The following RANBP17 variants were observed in gnomAD, a reference collection of about 807,000 sequenced individuals.
RANBP17 encodes RAN binding protein 17, also known as ran-binding protein 17.
RANBP17 carries 158 observed loss-of-function variants against 141.2 expected under a neutral mutation model. That is an observed-to-expected ratio of 1.12 (90% CI 0.98 to 1.28). The LOEUF is 1.28. Among genes scored for constraint, RANBP17 ranks in the 50% most tolerant of loss-of-function variants. RANBP17 has a pLI of 0.00. For missense variants in RANBP17, 1,438 were observed against 1,290.7 expected, an observed-to-expected ratio of 1.11 and a Z score of -1.75; for synonymous variants, 430 against 450.0, an observed-to-expected ratio of 0.96 and a Z score of 0.56.
At chr5:171,006,859 T>A (rs553885294) in intron 14 of RANBP17, among the ~76,000 whole-genome samples, 1 of 152,080 alleles carries the variant, frequency 6.6e-6, no homozygotes, top group East Asian at 1.9e-4. Context: ...CGTCTTTACG[T>A]TGGGTATTTT....
intron 20 of RANBP17, among the ~76,000 whole-genome samples, chr5:171,211,276 T>A (rs1037468795): frequency 2.0e-5 from 3 of 152,116 alleles, no homozygotes; most frequent in African/African-American, 7.2e-5. Context: ...GTACTTTTTT[T>A]TTTGAGACAG....
intron 14 of RANBP17, among the ~76,000 whole-genome samples, chr5:171,159,917 C>CAAAAAAAAAAAAA (rs1175963382): frequency 2.4e-5 from 1 of 41,494 alleles, no homozygotes; most frequent in Non-Finnish European, 5.3e-5. Flanking sequence ...GACTCCATCT[C>CAAAAAAAAAAAAA]AAAAAAAAAA....
At chr5:171,217,754 C>T (rs956941537) in intron 21 of RANBP17, among the ~76,000 whole-genome samples, 4 of 152,020 alleles carry the variant, frequency 2.6e-5, no homozygotes, top group Non-Finnish European at 4.4e-5. Flanking sequence ...GTGATATCCC[C>T]TTTATCATTT....
At position 171,279,879 on chromosome 5, in the gene RANBP17, TCA is replaced by T. The variant is rs201640580; in HGVS notation, c.2944-13999_2944-13998del. Among the ~76,000 whole-genome samples the T allele has an allele frequency of 2.6e-5, 4 of 152,192 alleles. No individual in the cohort carries two copies. The East Asian group carries it at 7.7e-4, about 29-fold the overall frequency. ...AATTAAGGCTTCTTATCACTAGATC[TCA>T]CACAGTTTTTATAATACCACACTAA... On this transcript the variant is annotated intron_variant, in intron 25 of 27. Coordinates refer to ENST00000523189, the MANE Select transcript of RANBP17 (RefSeq NM_022897.5).
At chr5:170,950,531 T>A (rs187833625) in intron 12 of RANBP17, among the ~76,000 whole-genome samples, 2 of 152,108 alleles carry the variant, frequency 1.3e-5, no homozygotes, top group African/African-American at 4.8e-5. Flanking sequence ...AAAACCGCAG[T>A]GAGATGCCAT....
intron 18 of RANBP17, among the ~76,000 whole-genome samples, chr5:171,193,821 A>G (rs376584098): frequency 6.6e-6 from 1 of 152,190 alleles, no homozygotes; most frequent in Non-Finnish European, 1.5e-5. Context: ...ATAATCCAGA[A>G]TACTTTTCTG....
chr5:171,154,940 G>C (rs1236276730), intron 14 of RANBP17, among the ~76,000 whole-genome samples: 4 of 151,608 alleles, frequency 2.6e-5, no homozygotes, highest in Admixed American at 2.0e-4. Flanking sequence ...AGCCGGGCAT[G>C]GTGGCGGGGC....
At chr5:170,978,909 G>A (rs575713606) in intron 14 of RANBP17, among the ~76,000 whole-genome samples, 1 of 152,198 alleles carries the variant, frequency 6.6e-6, no homozygotes, top group African/African-American at 2.4e-5. Flanking sequence ...TAAAAAAGTG[G>A]AAACTTGCCT....
intron 25 of RANBP17, among the ~76,000 whole-genome samples, chr5:171,278,740 T>C (rs961218982): frequency 6.6e-5 from 10 of 152,154 alleles, no homozygotes; most frequent in African/African-American, 2.4e-4. Context: ...TCCAAGCCCT[T>C]GAGAGACTTA....
At chr5:170,937,728 A>C (rs528919108) in intron 12 of RANBP17, among the ~76,000 whole-genome samples, 2 of 152,292 alleles carry the variant, frequency 1.3e-5, no homozygotes, top group African/African-American at 4.8e-5. Context: ...GTTTTGACTG[A>C]TGACACATGA....
At chr5:171,130,110 A>G (rs1302590230) in intron 14 of RANBP17, among the ~76,000 whole-genome samples, 1 of 152,188 alleles carries the variant, frequency 6.6e-6, no homozygotes, top group Non-Finnish European at 1.5e-5. Context: ...TGGTTACAGC[A>G]TGGAAGAACT....
In RANBP17 at chr5:171,265,910, G is replaced by A. The variant is rs144361605; in HGVS notation, c.2943+63G>A. ...GTTCCCAGAAGCCATACCTGGCCCCGAATTTATCTTAGAGCAGCTGGTCTT... is the reference window on the plus strand; with the variant it reads ...GTTCCCAGAAGCCATACCTGGCCCCAAATTTATCTTAGAGCAGCTGGTCTT... On this transcript the variant is annotated intron_variant, in intron 25 of 27. Coordinates refer to ENST00000523189, the MANE Select transcript of RANBP17 (RefSeq NM_022897.5). 1,489 of 1,475,306 alleles carry A rather than the reference G, an allele frequency of 1.0e-3. 8 individuals are homozygous for A. In the African/African-American group the frequency reaches 0.016, roughly 16 times the overall value. 91.4% of individuals were successfully genotyped at this position (1,475,306 alleles called of 1,614,324 possible).
intron 14 of RANBP17, among the ~76,000 whole-genome samples, chr5:171,068,569 T>TTGTTGTTG (rs1784441591): frequency 6.7e-6 from 1 of 148,926 alleles, no homozygotes; most frequent in African/African-American, 2.5e-5. Flanking sequence ...TTACTTTCCT[T>TTGTTGTTG]TTGTTGTTGT....
intron 14 of RANBP17, among the ~76,000 whole-genome samples, chr5:171,030,603 T>C (rs1781496367): frequency 6.6e-6 from 1 of 152,076 alleles, no homozygotes; most frequent in South Asian, 2.1e-4. Context: ...ATGTGCATTG[T>C]ATGAGTATGT....
At chr5:170,988,373 AT>A (rs35069928) in intron 14 of RANBP17, among the ~76,000 whole-genome samples, 19 of 146,836 alleles carry the variant, frequency 1.3e-4, no homozygotes, top group Admixed American at 2.0e-4. Context: ...TTAGTGTTTG[AT>A]TTTTTTTTTT....
intron 14 of RANBP17, among the ~76,000 whole-genome samples, chr5:170,995,579 A>G (rs1156326137): frequency 6.6e-6 from 1 of 152,130 alleles, no homozygotes; most frequent in Non-Finnish European, 1.5e-5. Flanking sequence ...TCCCAGTGAT[A>G]TTTGATAGAG....
chr5:171,217,523 G>C (rs780833850), intron 21 of RANBP17, among the ~76,000 whole-genome samples: 1 of 151,992 alleles, frequency 6.6e-6, no homozygotes, highest in Non-Finnish European at 1.5e-5. Flanking sequence ...GAATTTGGCT[G>C]TGAATCTGTC....
At chr5:171,105,542 A>G (rs539740391) in intron 14 of RANBP17, among the ~76,000 whole-genome samples, 2 of 151,946 alleles carry the variant, frequency 1.3e-5, no homozygotes, top group Admixed American at 6.6e-5. Context: ...ACAAAAATAT[A>G]TATACATATA....
At chr5:171,288,625 A>G (rs1311552308) in intron 25 of RANBP17, among the ~76,000 whole-genome samples, 1 of 152,218 alleles carries the variant, frequency 6.6e-6, no homozygotes, top group Non-Finnish European at 1.5e-5. Flanking sequence ...TCCTTAGTCT[A>G]TAAAACGGGA....
Sources: allele counts gnomAD v4.1 joint callset (sites outside exome capture counted in the v4.1 genomes callset), GRCh38; gene constraint gnomAD v4.1.1; transcripts MANE v1.5; gene names NCBI Gene and HGNC (gene_info 2026-07-23, HGNC 2026-07-21).